TANC1: variants seen among roughly 807,000 people sequenced by gnomAD.
The protein encoded by TANC1 is tetratricopeptide repeat, ankyrin repeat and coiled-coil containing 1.
A neutral mutation model predicts 149.7 loss-of-function variants in TANC1; 77 were observed. The ratio of observed to expected loss-of-function variants is 0.51; its 90% CI spans 0.43 to 0.62. The LOEUF is 0.62. TANC1 is among the 20% of genes least tolerant of loss of function. TANC1 has a pLI of 0.00. For synonymous variants in TANC1, 854 were observed against 925.0 expected, an observed-to-expected ratio of 0.92 and a Z score of 1.39; for missense variants, 1,985 against 2,321.8, an observed-to-expected ratio of 0.85 and a Z score of 2.98.
chr2:159,194,211 A>G, intron 16 of TANC1, 46 bp from the exon 17 acceptor site: 1 of 1,493,248 alleles, frequency 6.7e-7, no homozygotes, highest in Non-Finnish European at 9.3e-7. Context: ...AGAAATGTTT[A>G]GATGACATAC....
chr2:159,225,857 C>A, intron 24 of TANC1, 78 bp downstream of exon 24: 1 of 1,057,402 alleles, frequency 9.5e-7, no homozygotes, highest in Non-Finnish European at 1.4e-6. Flanking sequence ...ATGGCTACAG[C>A]TGTGCTACTG....
intron 5 of TANC1, among the ~76,000 whole-genome samples, chr2:159,137,388 A>G (rs2050870334): frequency 6.6e-6 from 1 of 152,184 alleles, no homozygotes; most frequent in Non-Finnish European, 1.5e-5. Context: ...ACATGGGGAA[A>G]AGATGGGGCC....
At chr2:159,085,171 G>A (rs754917447) in intron 3 of TANC1, among the ~76,000 whole-genome samples, 4 of 152,178 alleles carry the variant, frequency 2.6e-5, no homozygotes, top group Non-Finnish European at 4.4e-5. Context: ...TAGTTCCAGA[G>A]AGAGTGGGTT....
chr2:159,191,010 A>ATGCT lies in TANC1; in HGVS notation c.2743-3247_2743-3246insTGCT, dbSNP rs2057400635. On this transcript the variant is annotated intron_variant, in intron 16 of 26. Transcript: ENST00000263635. Reference sequence around the variant, plus strand: ...TGCCTGAAGTTGCCCATGAAACAGCAGTGTTAGGACTGGACACCCTTTCTG... The same window carrying ATGCT: ...TGCCTGAAGTTGCCCATGAAACAGCATGCTGTGTTAGGACTGGACACCCTTTCTG... Among the ~76,000 whole-genome samples the ATGCT allele has an allele frequency of 7.2e-5, 11 of 152,354 alleles. No homozygotes were observed. In the South Asian group the frequency reaches 2.3e-3, roughly 32 times the overall value.
At chr2:159,106,437 T>G (rs769889162) in intron 4 of TANC1, among the ~76,000 whole-genome samples, 2 of 152,224 alleles carry the variant, frequency 1.3e-5, no homozygotes, top group Non-Finnish European at 2.9e-5. Context: ...GTGACTGGCT[T>G]CTTTTATGGA....
chr2:159,160,962 G>C (rs985327907), intron 7 of TANC1, among the ~76,000 whole-genome samples: 1 of 151,778 alleles, frequency 6.6e-6, no homozygotes, highest in African/African-American at 2.4e-5. Context: ...GGACCTGAGT[G>C]TTACCCCTCC....
chr2:158,973,772 T>C (rs1052643849), intron 1 of TANC1, among the ~76,000 whole-genome samples: 1 of 152,174 alleles, frequency 6.6e-6, no homozygotes, highest in African/African-American at 2.4e-5. Context: ...TACCAAAGGA[T>C]ATGAAGATTC....
At chr2:159,012,097 C>T (rs1197424749) in intron 2 of TANC1, among the ~76,000 whole-genome samples, 1 of 152,190 alleles carries the variant, frequency 6.6e-6, no homozygotes, top group South Asian at 2.1e-4. Flanking sequence ...AAACAGGAAC[C>T]AGGCAGACCC....
chr2:159,176,500 TGTAAGA>T lies in TANC1; in HGVS notation c.1886_1891del (p.Val629_Arg630del), dbSNP rs1366151472. Reference sequence around the variant, plus strand: ...CTGCCTGGTTGAAGTTGATTGTGACTGTAAGAGCAAATTTTCAGGTAACAAAGAATT... The same window carrying T: ...CTGCCTGGTTGAAGTTGATTGTGACTGCAAATTTTCAGGTAACAAAGAATT... On this transcript the variant is annotated inframe_deletion, in exon 13 of 27. Transcript: ENST00000263635. 1 of 1,590,896 alleles carries T rather than the reference TGTAAGA, an allele frequency of 6.3e-7. No homozygotes were observed. Among genetic ancestry groups the T allele is most frequent in the African/African-American group, 1.4e-5 (1 of 73,516 alleles).
In TANC1 at chr2:159,178,779, T is replaced by C. The variant is rs1203645933; in HGVS notation, c.2126T>C (p.Leu709Pro). 1 of 1,614,168 alleles carries C rather than the reference T, an allele frequency of 6.2e-7. No homozygotes were observed. The change falls in exon 14 of 27, where the codon CTC (leucine) becomes CCC (proline). Residue 709 changes from leucine to proline, a missense_variant. Leu to Pro is a moderately conservative substitution (Grantham distance 98). This residue lies in a region of TANC1 where 508 missense variants were observed against 714.2 expected (regional missense o/e 0.71). Coordinates refer to ENST00000263635, the MANE Select transcript of TANC1 (RefSeq NM_033394.3). ...CTCGGCTCCTACCTGTACCTCAAGCTCACCCTGGACCTTTTCCAGAGGGGC... is the reference window on the plus strand; with the variant it reads ...CTCGGCTCCTACCTGTACCTCAAGCCCACCCTGGACCTTTTCCAGAGGGGC... ...RSLGSYLYLK[L>P]TLDLFQRGHL...
intron 4 of TANC1, among the ~76,000 whole-genome samples, chr2:159,102,300 G>A (rs2046803394): frequency 6.6e-6 from 1 of 151,968 alleles, no homozygotes; most frequent in Admixed American, 6.6e-5. Flanking sequence ...TTTGTTTTGA[G>A]ACAAGGTCTT....
chr2:159,003,244 A>G (rs1008936352), intron 2 of TANC1, among the ~76,000 whole-genome samples: 2 of 152,224 alleles, frequency 1.3e-5, no homozygotes, highest in African/African-American at 4.8e-5. Flanking sequence ...TTCACCAGCT[A>G]AGAAACAGGA....
At chr2:159,061,375 A>G (rs2149664186) in intron 2 of TANC1, among the ~76,000 whole-genome samples, 1 of 152,322 alleles carries the variant, frequency 6.6e-6, no homozygotes, top group Admixed American at 6.5e-5. Flanking sequence ...AAGCATGGTC[A>G]TCAAGGAATT....
At chr2:159,088,952 A>G (rs1305380483) in intron 3 of TANC1, among the ~76,000 whole-genome samples, 1 of 152,136 alleles carries the variant, frequency 6.6e-6, no homozygotes, top group Non-Finnish European at 1.5e-5. Context: ...CTAATAAGCT[A>G]TGTTTTCTCA....
intron 2 of TANC1, among the ~76,000 whole-genome samples, chr2:159,042,681 G>C (rs2040744036): frequency 6.6e-6 from 1 of 152,022 alleles, no homozygotes; most frequent in African/African-American, 2.4e-5. Flanking sequence ...GGTGGTGTGG[G>C]CATGCAGGTG....
chr2:159,227,625 G>A (rs2060094213), intron 24 of TANC1, 194 bp from the exon 25 acceptor site: 1 of 600,674 alleles, frequency 1.7e-6, no homozygotes, highest in Admixed American at 3.3e-5. Context: ...GCGGGTGCAT[G>A]TGAGGACAGT....
rs1420239953 is a variant in TANC1, at chr2:159,115,583, T to C, written c.259+17749T>C. 2.6e-5 allele frequency among the ~76,000 whole-genome samples: 4 copies of C among 152,214 alleles called. No individual in the cohort carries two copies. In the East Asian group the frequency reaches 7.7e-4, roughly 29 times the overall value. Reference sequence around the variant, plus strand: ...ATATAGGAGATTTTTGTACAGCAAATGGAATCAATGAACTGTCCCTCGGGC... The same window carrying C: ...ATATAGGAGATTTTTGTACAGCAAACGGAATCAATGAACTGTCCCTCGGGC... On this transcript the variant is annotated intron_variant, in intron 4 of 26. Coordinates refer to ENST00000263635, the MANE Select transcript of TANC1 (RefSeq NM_033394.3).
intron 2 of TANC1, among the ~76,000 whole-genome samples, chr2:159,053,359 T>A (rs879799173): frequency 6.6e-6 from 1 of 152,162 alleles, no homozygotes; most frequent in Non-Finnish European, 1.5e-5. Flanking sequence ...GACTGCTTAC[T>A]GCAACCAAAT....
At chr2:159,096,105 A>G (rs985933133) in intron 3 of TANC1, among the ~76,000 whole-genome samples, 3 of 152,162 alleles carry the variant, frequency 2.0e-5, no homozygotes, top group African/African-American at 7.2e-5. Flanking sequence ...AAGTTTATAC[A>G]TCTTTCAAAT....
Sources: allele counts gnomAD v4.1 joint callset (sites outside exome capture counted in the v4.1 genomes callset), GRCh38; gene constraint gnomAD v4.1.1; regional missense constraint gnomAD v4.1.1; transcripts MANE v1.5; gene names NCBI Gene and HGNC (gene_info 2026-07-23, HGNC 2026-07-21).